Variants in MACROH2A1 observed in about 807,000 individuals in gnomAD.
MACROH2A1 encodes macroH2A.1 histone, also known as core histone macro-H2A.1.
Under a neutral mutation model 31.6 loss-of-function variants are expected in MACROH2A1, and 2 were observed. That is an observed-to-expected ratio of 0.06 (90% CI 0.03 to 0.20). The LOEUF (loss-of-function observed/expected upper bound fraction) is 0.20, where lower values mean the gene tolerates loss of function less well. Ranked by LOEUF, MACROH2A1 falls within the 10% of genes least tolerant of loss-of-function variation. The probability of loss-of-function intolerance (pLI) is 1.00; values close to 1 mark genes in which losing one functional copy is unlikely to be tolerated. For missense variants in MACROH2A1, 230 were observed against 474.0 expected, an observed-to-expected ratio of 0.49 and a Z score of 4.78; for synonymous variants, 169 against 189.6, an observed-to-expected ratio of 0.89 and a Z score of 0.89.
intron 1 of MACROH2A1, among the ~76,000 whole-genome samples, chr5:135,394,669 T>C (rs1767718440): frequency 7.2e-5 from 11 of 152,230 alleles, no homozygotes; most frequent in Admixed American, 7.2e-4. Context: ...CCAGTCACTC[T>C]AGATCCCATT....
chr5:135,341,288 A>AG (rs1759808914), intron 8 of MACROH2A1, among the ~76,000 whole-genome samples: 2 of 152,218 alleles, frequency 1.3e-5, no homozygotes, highest in South Asian at 4.1e-4. Flanking sequence ...AGGAGAGCTG[A>AG]GGGGCCTCAC....
chr5:135,389,041 T>C lies in MACROH2A1; in HGVS notation c.53A>G (p.Lys18Arg). Residue 18 changes from lysine to arginine, a missense_variant, in exon 2 of 9, where the codon AAA (lysine) becomes AGA (arginine). Coordinates refer to ENST00000511689, the MANE Select transcript of MACROH2A1 (RefSeq NM_138610.3). ...CCCCACGGGAAAGATGACTCCTGCTTTGGCAGACCTGGACGTCTTGGTGGA... is the reference window on the plus strand; with the variant it reads ...CCCCACGGGAAAGATGACTCCTGCTCTGGCAGACCTGGACGTCTTGGTGGA... Reference protein sequence around the residue: ...KKSTKTSRSAKAGVIFPVGRM... With the variant: ...KKSTKTSRSARAGVIFPVGRM... 1 of 1,613,994 alleles carries C rather than the reference T, an allele frequency of 6.2e-7. No individual in the cohort carries two copies. Among genetic ancestry groups the C allele is most frequent in the Non-Finnish European group, 8.5e-7 (1 of 1,179,876 alleles).
At chr5:135,385,615 G>A (rs1235045136) in intron 2 of MACROH2A1, among the ~76,000 whole-genome samples, 3 of 152,176 alleles carry the variant, frequency 2.0e-5, no homozygotes, top group Non-Finnish European at 4.4e-5. Context: ...CCCATGTTCT[G>A]GGAAGGGGCT....
intron 4 of MACROH2A1, among the ~76,000 whole-genome samples, chr5:135,365,489 C>T (rs1196345833): frequency 6.6e-6 from 1 of 152,172 alleles, no homozygotes; most frequent in African/African-American, 2.4e-5. Flanking sequence ...GTCATAGCAG[C>T]TACTCCCTCC....
At chr5:135,339,855 G>A (rs953046384) in intron 8 of MACROH2A1, among the ~76,000 whole-genome samples, 1 of 152,152 alleles carries the variant, frequency 6.6e-6, no homozygotes, top group Admixed American at 6.5e-5. Context: ...CCTGCAGCTA[G>A]AGAGGGGATG....
chr5:135,382,604 A>G (rs1765800654), intron 2 of MACROH2A1, among the ~76,000 whole-genome samples: 1 of 152,260 alleles, frequency 6.6e-6, no homozygotes, highest in Non-Finnish European at 1.5e-5. Context: ...TCCTGGACAC[A>G]ACACCAAGGG....
Position 135,388,822 on chromosome 5 carries a change from A to G in MACROH2A1, c.172+100T>C, listed in dbSNP as rs114993738. Reference sequence around the variant, plus strand: ...TTCTTGTAACTTTTCTGTAGGTTTGAGCTGTTTCAAAATAAAAGAAACAAA... The same window carrying G: ...TTCTTGTAACTTTTCTGTAGGTTTGGGCTGTTTCAAAATAAAAGAAACAAA... On this transcript the variant is annotated intron_variant, in intron 2 of 8. Transcript: ENST00000511689. 1,137 of 974,226 alleles carry G rather than the reference A, an allele frequency of 1.2e-3. 3 individuals are homozygous for G. Among genetic ancestry groups the G allele is most frequent in the African/African-American group, 6.7e-3 (419 of 62,166 alleles). The allele number at this position is 974,226 out of a possible 1,614,324, so 60.3% of individuals were successfully genotyped here. A position where few individuals can be genotyped will look rare whatever the true frequency, so the allele number is the denominator to read the frequency against.
chr5:135,391,082 T>C (rs1767168203), intron 1 of MACROH2A1, among the ~76,000 whole-genome samples: 1 of 152,208 alleles, frequency 6.6e-6, no homozygotes, highest in South Asian at 2.1e-4. Context: ...CTTGCTGCAA[T>C]GAACTCCATT....
chr5:135,398,535 C>G lies in MACROH2A1; in HGVS notation c.-34+527G>C, dbSNP rs1768356377. Among the ~76,000 whole-genome samples the G allele has an allele frequency of 6.6e-6, 1 of 152,346 alleles. No individual in the cohort carries two copies. Among genetic ancestry groups the G allele is most frequent in the South Asian group, 2.1e-4 (1 of 4,830 alleles). ...AGTAGCCCCCGCCTTCCCCTCCCTG[C>G]AGATAGCGAGCCAGACGCCTACACC... On this transcript the variant is annotated intron_variant, in intron 1 of 8. Coordinates refer to ENST00000511689, the MANE Select transcript of MACROH2A1 (RefSeq NM_138610.3). The surrounding 1 kb of genome is among the most constrained non-coding windows in gnomAD (Gnocchi z 4.6).
chr5:135,360,354 C>T (rs1762676139), intron 5 of MACROH2A1, 143 bp downstream of exon 5: 5 of 629,524 alleles, frequency 7.9e-6, no homozygotes, highest in Non-Finnish European at 1.1e-5. Flanking sequence ...TCCCTGAGGC[C>T]ACTCCCAAAG....
intron 6 of MACROH2A1, among the ~76,000 whole-genome samples, chr5:135,347,773 C>T (rs977504833): frequency 6.6e-6 from 1 of 152,240 alleles, no homozygotes; most frequent in Admixed American, 6.5e-5. Context: ...ATTCCACACA[C>T]TGCTGCCCCT....
At position 135,369,553 on chromosome 5, in the gene MACROH2A1, G is replaced by A; in HGVS notation, c.330C>T (p.His110=). The change falls in exon 4 of 9, where the codon CAC becomes CAT. Residue 110 remains histidine (H), a synonymous_variant. Transcript: ENST00000511689. The surrounding 1 kb of genome is among the most constrained non-coding windows in gnomAD (Gnocchi z 4.3). Reference sequence around the variant, plus strand: ...CCCGCTTCTTCGCTAGCAACTCGGGGTGGATGTTGGGTAACACACCCCCAC... The same window carrying A: ...CCCGCTTCTTCGCTAGCAACTCGGGATGGATGTTGGGTAACACACCCCCAC... The part of the protein sequence containing the change: ...IASGGVLPNI[H]PELLAKKRGS... 3 of 1,614,146 alleles carry A rather than the reference G, an allele frequency of 1.9e-6. No homozygotes were observed. Among genetic ancestry groups the A allele is most frequent in the Non-Finnish European group, 2.5e-6 (3 of 1,180,004 alleles).
At chr5:135,358,564 G>T (rs1411209822) in intron 5 of MACROH2A1, 1 of 985,188 alleles carries the variant, frequency 1.0e-6, no homozygotes, top group African/African-American at 1.7e-5. Flanking sequence ...CCCCTCTTAT[G>T]GCTGACCATT....
rs1376167691 is a variant in MACROH2A1, at chr5:135,334,939, G to A, written c.*37C>T. The stretch of plus-strand genomic sequence containing the variant: ...TTTTTTTTTCTTTTAAACTGAAGGT[G>A]GGGTACATGGTGCAGCTGGTTCTGT... On this transcript the variant is annotated 3_prime_UTR_variant, in exon 9 of 9. Transcript: ENST00000511689. The A allele has an allele frequency of 2.6e-6, 4 of 1,563,546 alleles. No homozygotes were observed. Among genetic ancestry groups the A allele is most frequent in the African/African-American group, 2.7e-5 (2 of 73,568 alleles).
intron 4 of MACROH2A1, chr5:135,361,452 C>T (rs952860438): frequency 2.6e-5 from 4 of 152,178 alleles, no homozygotes; most frequent in African/African-American, 9.7e-5. Context: ...GTGTTTTTGG[C>T]ATATTTCTAT....
intron 2 of MACROH2A1, among the ~76,000 whole-genome samples, chr5:135,372,769 C>T (rs892245825): frequency 3.3e-5 from 5 of 152,234 alleles, no homozygotes; most frequent in Admixed American, 3.3e-4. Context: ...GAAGGAGAGT[C>T]AGCCACGATG....
chr5:135,350,133 C>T (rs1157913622), intron 6 of MACROH2A1, among the ~76,000 whole-genome samples: 1 of 152,176 alleles, frequency 6.6e-6, no homozygotes. Flanking sequence ...TTCTTGGCCA[C>T]CCTCAGCTAT....
At chr5:135,347,305 A>G (rs1760967334) in intron 6 of MACROH2A1, 1 of 152,202 alleles carries the variant, frequency 6.6e-6, no homozygotes, top group Non-Finnish European at 1.5e-5. Flanking sequence ...CTTTGTCCCA[A>G]ATAAGAACCA....
chr5:135,389,524 A>T (rs575163223), intron 1 of MACROH2A1, among the ~76,000 whole-genome samples: 1 of 152,354 alleles, frequency 6.6e-6, no homozygotes, highest in African/African-American at 2.4e-5. Context: ...AAGATGATGT[A>T]AAGGCAGATA....
Sources: allele counts gnomAD v4.1 joint callset (sites outside exome capture counted in the v4.1 genomes callset), GRCh38; gene constraint gnomAD v4.1.1; non-coding constraint Gnocchi (gnomAD v3.1); transcripts MANE v1.5; gene names NCBI Gene and HGNC (gene_info 2026-07-23, HGNC 2026-07-21).